ACOXL: variants seen among roughly 807,000 people sequenced by gnomAD.
ACOXL encodes the protein acyl-CoA oxidase like, also known as acyl-coenzyme A oxidase-like protein.
ACOXL carries 70 observed loss-of-function variants against 71.9 expected under a neutral mutation model. That is an observed-to-expected ratio of 0.97 (90% CI 0.80 to 1.19). The LOEUF (loss-of-function observed/expected upper bound fraction) is 1.19, where lower values mean the gene tolerates loss of function less well. Ranked by LOEUF, ACOXL falls within the 50% of genes most tolerant of loss-of-function variation. The probability of loss-of-function intolerance (pLI) is 0.00; values close to 1 mark genes in which losing one functional copy is unlikely to be tolerated. For synonymous variants in ACOXL, 253 were observed against 281.6 expected, an observed-to-expected ratio of 0.90 and a Z score of 1.02; for missense variants, 703 against 736.3, an observed-to-expected ratio of 0.95 and a Z score of 0.52.
At chr2:111,112,763 A>T (rs775045852) in intron 17 of ACOXL, among the ~76,000 whole-genome samples, 1 of 152,254 alleles carries the variant, frequency 6.6e-6, no homozygotes, top group Non-Finnish European at 1.5e-5. Flanking sequence ...CCAAAGCAGC[A>T]GGGAGGGGCC....
chr2:110,758,854 A>G (rs1362137660), intron 1 of ACOXL, among the ~76,000 whole-genome samples: 1 of 152,154 alleles, frequency 6.6e-6, no homozygotes, highest in East Asian at 1.9e-4. Flanking sequence ...TACCTGCGTC[A>G]CAGAGATTCT....
At chr2:110,787,171 A>AT (rs925519408) in intron 3 of ACOXL, among the ~76,000 whole-genome samples, 2 of 152,090 alleles carry the variant, frequency 1.3e-5, no homozygotes, top group East Asian at 3.9e-4. Flanking sequence ...CCATAATAAA[A>AT]TTTTTTTCTG....
In ACOXL at chr2:110,957,798, G is replaced by A. The variant is rs60848223; in HGVS notation, c.1059+24156G>A. 2.7e-3 allele frequency among the ~76,000 whole-genome samples: 415 copies of A among 152,144 alleles called. 1 individual carries two copies. The highest frequency in any genetic ancestry group is 9.5e-3 in the African/African-American group (394 of 41,522). On this transcript the variant is annotated intron_variant, in intron 12 of 17. Coordinates refer to ENST00000439055, the MANE Select transcript of ACOXL (RefSeq NM_001142807.4). ...GGGACCAGGGGTGCTGGCTTATGCC[G>A]GTAATCCTAGCACTTTGGGAGGCCG... is the stretch of plus-strand genomic sequence containing the variant.
chr2:110,882,862 T>C (rs747212106), intron 10 of ACOXL, among the ~76,000 whole-genome samples: 5 of 152,212 alleles, frequency 3.3e-5, no homozygotes, highest in Non-Finnish European at 7.3e-5. Context: ...CAGAATATCA[T>C]TCAGCAATCC....
chr2:111,087,664 A>G (rs2068283950), intron 16 of ACOXL, among the ~76,000 whole-genome samples: 1 of 152,208 alleles, frequency 6.6e-6, no homozygotes, highest in African/African-American at 2.4e-5. Context: ...TCAACTCAAG[A>G]TGGATTAAAG....
chr2:110,769,824 ACT>A (rs1681647991), intron 2 of ACOXL, among the ~76,000 whole-genome samples: 1 of 150,646 alleles, frequency 6.6e-6, no homozygotes, highest in Non-Finnish European at 1.5e-5. Context: ...ACAAAGCGAG[ACT>A]CTGTCTCAAA....
intron 1 of ACOXL, among the ~76,000 whole-genome samples, chr2:110,760,093 G>C (rs1367026129): frequency 6.6e-6 from 1 of 151,086 alleles, no homozygotes; most frequent in East Asian, 1.9e-4. Flanking sequence ...TGATTGTCTT[G>C]GGGGCTTCCA....
intron 2 of ACOXL, among the ~76,000 whole-genome samples, chr2:110,776,381 C>T (rs1484243942): frequency 6.6e-6 from 1 of 152,090 alleles, no homozygotes; most frequent in African/African-American, 2.4e-5. Flanking sequence ...TACTTAGTGC[C>T]AGAGAATTGT....
chr2:110,781,245 AG>A (rs1463411032), intron 2 of ACOXL, among the ~76,000 whole-genome samples: 1 of 152,172 alleles, frequency 6.6e-6, no homozygotes, highest in African/African-American at 2.4e-5. Context: ...CATAATAAAA[AG>A]CTCATGGTGC....
At chr2:110,929,566 A>T (rs2060406185) in intron 11 of ACOXL, among the ~76,000 whole-genome samples, 1 of 152,240 alleles carries the variant, frequency 6.6e-6, no homozygotes, top group African/African-American at 2.4e-5. Flanking sequence ...AAATTTGTAT[A>T]AATAGTGAGG....
At chr2:110,899,144 A>G (rs1206618674) in intron 10 of ACOXL, among the ~76,000 whole-genome samples, 1 of 152,208 alleles carries the variant, frequency 6.6e-6, no homozygotes, top group Non-Finnish European at 1.5e-5. Context: ...TTGTTTTAAG[A>G]GCCTATGGGC....
At chr2:110,974,968 C>T (rs1032176732) in intron 12 of ACOXL, among the ~76,000 whole-genome samples, 1 of 152,216 alleles carries the variant, frequency 6.6e-6, no homozygotes, top group Admixed American at 6.5e-5. Context: ...CAGACCTTTC[C>T]TGCAGGGGTT....
chr2:111,086,402 G>T (rs140449069), intron 16 of ACOXL, among the ~76,000 whole-genome samples: 1 of 152,160 alleles, frequency 6.6e-6, no homozygotes. Flanking sequence ...TGCTAGGTTG[G>T]TTCAACATAC....
At chr2:110,827,023 C>T (rs1689246312) in intron 9 of ACOXL, among the ~76,000 whole-genome samples, 1 of 152,112 alleles carries the variant, frequency 6.6e-6, no homozygotes, top group African/African-American at 2.4e-5. Flanking sequence ...TGCCCGAGCC[C>T]AGGGGACAAA....
At chr2:110,943,044 G>GAAGGAAGAAAGAAAAGT (rs1305362123) in intron 12 of ACOXL, among the ~76,000 whole-genome samples, 2 of 145,408 alleles carry the variant, frequency 1.4e-5, no homozygotes, top group East Asian at 4.1e-4. Flanking sequence ...AGGAAAGAAG[G>GAAGGAAGAAAGAAAAGT]AAGGAAGAAA....
At chr2:110,946,171 T>G (rs2061100250) in intron 12 of ACOXL, among the ~76,000 whole-genome samples, 1 of 152,248 alleles carries the variant, frequency 6.6e-6, no homozygotes, top group African/African-American at 2.4e-5. Flanking sequence ...GCCTTTCTGA[T>G]TTGGCTCTCA....
intron 10 of ACOXL, among the ~76,000 whole-genome samples, chr2:110,889,200 A>G (rs1697660245): frequency 6.6e-6 from 1 of 152,200 alleles, no homozygotes; most frequent in Non-Finnish European, 1.5e-5. Flanking sequence ...CGAGTGCACA[A>G]AGTGCCACAT....
intron 14 of ACOXL, among the ~76,000 whole-genome samples, chr2:111,005,236 G>T (rs966142535): frequency 3.3e-5 from 5 of 152,152 alleles, no homozygotes; most frequent in African/African-American, 1.2e-4. Flanking sequence ...ATCTGATACA[G>T]GTTGCCCTCC....
chr2:110,947,899 G>GATGCCC (rs1466424246), intron 12 of ACOXL, among the ~76,000 whole-genome samples: 1 of 152,218 alleles, frequency 6.6e-6, no homozygotes, highest in Non-Finnish European at 1.5e-5. Flanking sequence ...CCTGAGCCCG[G>GATGCCC]ATGCCCATGG....
Sources: allele counts gnomAD v4.1 joint callset (sites outside exome capture counted in the v4.1 genomes callset), GRCh38; gene constraint gnomAD v4.1.1; transcripts MANE v1.5; gene names NCBI Gene and HGNC (gene_info 2026-07-23, HGNC 2026-07-21).